The following DMD variants were observed in gnomAD, a reference collection of about 807,000 sequenced individuals.
DMD encodes mutant dystrophin.
A neutral mutation model predicts 330.1 loss-of-function variants in DMD; 63 were observed. The ratio of observed to expected loss-of-function variants is 0.19; its 90% CI spans 0.16 to 0.24. The LOEUF (loss-of-function observed/expected upper bound fraction) is 0.24, where lower values mean the gene tolerates loss of function less well. Ranked by LOEUF, DMD falls within the 10% of genes least tolerant of loss-of-function variation. DMD has a pLI of 1.00. For missense variants in DMD, 3,344 were observed against 2,684.1 expected (o/e 1.25, Z -5.43); for synonymous variants, 1,223 against 959.8 (o/e 1.27, Z -5.07).
intron 2 of DMD, among the ~76,000 whole-genome samples, chrX:32,889,048 A>T (rs934465826): frequency 3.6e-5 from 4 of 110,111 alleles, no homozygotes; most frequent in South Asian, 7.9e-4. Context: ...AGAGGAGGGG[A>T]TGGTGAAAGA....
chrX:32,155,543 C>T (rs1434410588), intron 44 of DMD: 1 of 481,821 alleles, frequency 2.1e-6, no homozygotes, highest in African/African-American at 2.6e-5. Flanking sequence ...CTAAAGAAAT[C>T]CTGGGCTGAA....
chrX:31,456,407 T>G (rs2066164021), intron 59 of DMD, among the ~76,000 whole-genome samples: 1 of 112,032 alleles, frequency 8.9e-6, no homozygotes, highest in Non-Finnish European at 1.9e-5. Flanking sequence ...GGTAGCTACC[T>G]TTTTGGAGCT....
At chrX:33,183,629 C>T (rs2050103998) in intron 1 of DMD, among the ~76,000 whole-genome samples, 1 of 111,228 alleles carries the variant, frequency 9.0e-6, no homozygotes, top group African/African-American at 3.3e-5. Context: ...GCCTAGACAC[C>T]CAACCCTGTG....
chrX:31,379,170 C>T (rs938906696), intron 60 of DMD, among the ~76,000 whole-genome samples: 15 of 109,862 alleles, frequency 1.4e-4, no homozygotes, highest in African/African-American at 4.3e-4. Flanking sequence ...ACCCATCTGA[C>T]CTCTCCCCTC....
rs368425809 is a variant in DMD at position 32,463,139 on chromosome X, G to A, written c.3432+300C>T. Among the ~76,000 whole-genome samples the A allele has an allele frequency of 4.5e-5, 5 of 111,462 alleles. No homozygotes were observed. The East Asian group carries it at 1.4e-3, about 31-fold the overall frequency. On this transcript the variant is annotated intron_variant, in intron 25 of 78. Coordinates refer to ENST00000357033, the MANE Select transcript of DMD (RefSeq NM_004006.3). ...AATCCCATTATTATTATACATTTAT[G>A]TTCTGAAGAAAACATGGATTGGAAA...
chrX:31,289,899 TTTATTATTATTA>T (rs200740564), intron 62 of DMD, among the ~76,000 whole-genome samples: 197 of 93,550 alleles, frequency 2.1e-3, no homozygotes, highest in African/African-American at 6.4e-3. Flanking sequence ...TATTATTCTG[TTTATTATTATTA>T]TTATTATTAT....
intron 50 of DMD, among the ~76,000 whole-genome samples, chrX:31,817,310 T>A (rs1216981107): frequency 1.8e-5 from 2 of 111,965 alleles, no homozygotes; most frequent in East Asian, 5.6e-4. Flanking sequence ...AAATTAGATT[T>A]TCTTTTTTTA....
intron 17 of DMD, among the ~76,000 whole-genome samples, chrX:32,537,619 G>T (rs1297425136): frequency 9.0e-6 from 1 of 111,628 alleles, no homozygotes; most frequent in Non-Finnish European, 1.9e-5. Context: ...ACCTTGCTGA[G>T]AGCAGTTTCA....
At chrX:31,718,765 G>A (rs539885159) in intron 52 of DMD, among the ~76,000 whole-genome samples, 2 of 111,629 alleles carry the variant, frequency 1.8e-5, no homozygotes, top group South Asian at 7.6e-4. Context: ...CCAGTCTATG[G>A]CATTATTTTA....
chrX:32,869,031 G>C (rs938012006), intron 2 of DMD, among the ~76,000 whole-genome samples: 1 of 111,713 alleles, frequency 9.0e-6, no homozygotes, highest in Non-Finnish European at 1.9e-5. Context: ...CTCAGGGACA[G>C]AGATACTAGA....
At chrX:32,659,994 G>T in intron 9 of DMD, among the ~76,000 whole-genome samples, 1 of 110,746 alleles carries the variant, frequency 9.0e-6, no homozygotes, top group East Asian at 2.9e-4. Context: ...AGTAATAAAA[G>T]TCCTCTATCC....
chrX:31,268,222 T>C (rs955175004), intron 62 of DMD, among the ~76,000 whole-genome samples: 1 of 111,709 alleles, frequency 9.0e-6, no homozygotes, highest in Non-Finnish European at 1.9e-5. Flanking sequence ...TGCTCAACAT[T>C]TTTCCCCCTA....
intron 48 of DMD, among the ~76,000 whole-genome samples, chrX:31,849,146 ATATT>A (rs1224054924): frequency 9.1e-6 from 1 of 110,236 alleles, no homozygotes; most frequent in African/African-American, 3.3e-5. Flanking sequence ...GATTATATAT[ATATT>A]AAGAATATAT....
chrX:32,645,879 G>A (rs2146847162), intron 9 of DMD, among the ~76,000 whole-genome samples: 1 of 112,303 alleles, frequency 8.9e-6, no homozygotes, highest in South Asian at 3.7e-4. Flanking sequence ...AAAGCCAAGA[G>A]CAAAGTGTAC....
chrX:32,197,010 AAC>A (rs2097008254), intron 44 of DMD, among the ~76,000 whole-genome samples: 1 of 107,034 alleles, frequency 9.3e-6, no homozygotes, highest in Non-Finnish European at 1.9e-5. Flanking sequence ...AAAAAACAAA[AAC>A]AAAAGAAAAA....
At chrX:32,661,243 T>C (rs1183036888) in intron 9 of DMD, among the ~76,000 whole-genome samples, 3 of 111,445 alleles carry the variant, frequency 2.7e-5, no homozygotes, top group Non-Finnish European at 5.7e-5. Flanking sequence ...GCTGTCTTCA[T>C]CATCTAAATT....
intron 2 of DMD, among the ~76,000 whole-genome samples, chrX:32,928,750 A>C (rs1422185476): frequency 8.9e-6 from 1 of 112,200 alleles, no homozygotes; most frequent in Non-Finnish European, 1.9e-5. Context: ...AAGGAGACGT[A>C]CCAGTTATAA....
chrX:32,412,134 C>A, intron 29 of DMD: 1 of 1,149,199 alleles, frequency 8.7e-7, no homozygotes, highest in African/African-American at 1.8e-5. Flanking sequence ...GGGATCTCTG[C>A]ATGAAAATCA....
At chrX:32,849,585 G>T in intron 3 of DMD, 143 bp downstream of exon 3, 2 of 443,285 alleles carry the variant, frequency 4.5e-6, no homozygotes, top group Non-Finnish European at 4.0e-6. Flanking sequence ...AAAATCATAC[G>T]AGGTTGCTTT....
Sources: allele counts gnomAD v4.1 joint callset (sites outside exome capture counted in the v4.1 genomes callset), GRCh38; gene constraint gnomAD v4.1.1; transcripts MANE v1.5; gene names NCBI Gene and HGNC (gene_info 2026-07-23, HGNC 2026-07-21).